Variants in NTM observed in about 807,000 individuals in gnomAD.
NTM encodes neurotrimin.
NTM carries 13 observed loss-of-function variants against 42.1 expected under a neutral mutation model. The ratio of observed to expected loss-of-function variants is 0.31; its 90% CI spans 0.20 to 0.49. The LOEUF (loss-of-function observed/expected upper bound fraction) is 0.49. NTM is among the 20% of genes least tolerant of loss of function. The probability of loss-of-function intolerance (pLI) is 0.99; values close to 1 mark genes in which losing one functional copy is unlikely to be tolerated. For synonymous variants in NTM, 187 were observed against 179.2 expected (o/e 1.04, Z -0.35); for missense variants, 373 against 452.8 (o/e 0.82, Z 1.60).
At chr11:131,823,932 G>C (rs912292877) in intron 1 of NTM, among the ~76,000 whole-genome samples, 1 of 152,176 alleles carries the variant, frequency 6.6e-6, no homozygotes. Flanking sequence ...CCCAGTTTCT[G>C]TTTGTTCTTT....
intron 4 of NTM, among the ~76,000 whole-genome samples, chr11:132,255,398 A>G (rs1833123590): frequency 6.6e-6 from 1 of 152,172 alleles, no homozygotes; most frequent in South Asian, 2.1e-4. Flanking sequence ...TTCCTGCAGA[A>G]GTGGCTCTGA....
chr11:131,381,887 T>G (rs1942724270), intron 1 of NTM, among the ~76,000 whole-genome samples: 1 of 152,204 alleles, frequency 6.6e-6, no homozygotes. Flanking sequence ...AGTTCATCTC[T>G]ATTCCAAAAG....
intron 1 of NTM, among the ~76,000 whole-genome samples, chr11:131,759,379 T>C (rs2083789094): frequency 6.6e-6 from 1 of 152,226 alleles, no homozygotes; most frequent in Non-Finnish European, 1.5e-5. Context: ...TTCTGGAACC[T>C]GAGAGCAAAC....
intron 1 of NTM, among the ~76,000 whole-genome samples, chr11:131,374,667 C>T (rs746437725): frequency 5.9e-5 from 9 of 152,232 alleles, no homozygotes; most frequent in South Asian, 2.1e-4. Flanking sequence ...TCTCTGCCTG[C>T]GTACTGTCTG....
intron 4 of NTM, among the ~76,000 whole-genome samples, chr11:132,264,998 A>G (rs1050651078): frequency 5.9e-5 from 9 of 152,290 alleles, no homozygotes; most frequent in East Asian, 3.9e-4. Context: ...TCCAATCAAC[A>G]TATGAATTTG....
intron 1 of NTM, among the ~76,000 whole-genome samples, chr11:131,466,012 C>T (rs1951846903): frequency 1.3e-5 from 2 of 152,198 alleles, no homozygotes. Flanking sequence ...GAGTGTCAGG[C>T]AAAGCAGGAT....
At chr11:131,856,985 C>T (rs934359188) in intron 1 of NTM, among the ~76,000 whole-genome samples, 2 of 152,170 alleles carry the variant, frequency 1.3e-5, no homozygotes, top group African/African-American at 2.4e-5. Flanking sequence ...ATAAAAAAGC[C>T]CTTGATCCTT....
chr11:131,978,938 T>G (rs1488524598), intron 2 of NTM, among the ~76,000 whole-genome samples: 2 of 152,156 alleles, frequency 1.3e-5, no homozygotes, highest in Admixed American at 6.5e-5. Context: ...TCCCCTAGGA[T>G]GCAGTTTAGA....
intron 1 of NTM, among the ~76,000 whole-genome samples, chr11:131,894,197 G>A (rs1034060858): frequency 6.6e-6 from 1 of 152,124 alleles, no homozygotes; most frequent in African/African-American, 2.4e-5. Context: ...CTCTTCAACC[G>A]CCAGCCACAT....
At chr11:132,160,996 G>C (rs2074148564) in intron 3 of NTM, among the ~76,000 whole-genome samples, 1 of 152,206 alleles carries the variant, frequency 6.6e-6, no homozygotes, top group Non-Finnish European at 1.5e-5. Flanking sequence ...CCAAGTTAGG[G>C]GAGAGCAGAC....
chr11:131,400,916 A>T (rs1262801987), intron 1 of NTM, among the ~76,000 whole-genome samples: 1 of 151,458 alleles, frequency 6.6e-6, no homozygotes, highest in Non-Finnish European at 1.5e-5. Flanking sequence ...TGGGCCTTCT[A>T]TGTTTCTGGA....
At chr11:131,653,500 A>T (rs913348587) in intron 1 of NTM, among the ~76,000 whole-genome samples, 1 of 152,220 alleles carries the variant, frequency 6.6e-6, no homozygotes. Context: ...GTGTTTTACT[A>T]TATGAACAAG....
At chr11:131,853,036 C>T (rs1033938136) in intron 1 of NTM, among the ~76,000 whole-genome samples, 6 of 152,010 alleles carry the variant, frequency 3.9e-5, no homozygotes, top group East Asian at 1.9e-4. Context: ...CACCCATCCA[C>T]CCATCCATCC....
Position 132,116,192 on chromosome 11 carries a change from A to G in NTM, c.168-30090A>G, listed in dbSNP as rs1007098985. 7.3e-4 allele frequency among the ~76,000 whole-genome samples: 111 copies of G among 152,172 alleles called. 2 individuals are homozygous for G. Among genetic ancestry groups the G allele is most frequent in the East Asian group, 3.9e-4 (2 of 5,178 alleles). On this transcript the variant is annotated intron_variant, in intron 2 of 8. Transcript: ENST00000683400. ...GGTGAGGCAACCAAGGGAGTAAACA[A>G]TGGTGGACTTGACTACCCTATTCCC... is the stretch of plus-strand genomic sequence containing the variant.
intron 1 of NTM, among the ~76,000 whole-genome samples, chr11:131,520,464 G>T (rs1248649663): frequency 1.3e-5 from 2 of 152,136 alleles, no homozygotes; most frequent in Non-Finnish European, 2.9e-5. Context: ...AAAGGACTCT[G>T]GGAAACAACA....
At chr11:131,756,719 A>T (rs1184728175) in intron 1 of NTM, among the ~76,000 whole-genome samples, 1 of 152,120 alleles carries the variant, frequency 6.6e-6, no homozygotes, top group Non-Finnish European at 1.5e-5. Context: ...ATAATCAGGG[A>T]TTATCTCATC....
At chr11:131,750,435 G>A (rs938123645) in intron 1 of NTM, among the ~76,000 whole-genome samples, 2 of 152,194 alleles carry the variant, frequency 1.3e-5, no homozygotes, top group Admixed American at 1.3e-4. Context: ...TGCCATAACA[G>A]TTACTGGAGC....
intron 2 of NTM, among the ~76,000 whole-genome samples, chr11:132,053,128 A>G (rs1482462640): frequency 6.6e-6 from 1 of 152,222 alleles, no homozygotes; most frequent in Admixed American, 6.5e-5. Context: ...CTGGGCATGC[A>G]TGATTCAGCA....
At chr11:132,068,915 T>C (rs1449866169) in intron 2 of NTM, among the ~76,000 whole-genome samples, 1 of 152,248 alleles carries the variant, frequency 6.6e-6, no homozygotes, top group Non-Finnish European at 1.5e-5. Flanking sequence ...TTATCCAGGA[T>C]CATCTCTTTT....
Sources: allele counts gnomAD v4.1 joint callset (sites outside exome capture counted in the v4.1 genomes callset), GRCh38; gene constraint gnomAD v4.1.1; transcripts MANE v1.5; gene names NCBI Gene and HGNC (gene_info 2026-07-23, HGNC 2026-07-21).